Variants in ACE observed in about 807,000 individuals in gnomAD.
ACE encodes the protein angiotensin I converting enzyme.
A neutral mutation model predicts 162.3 loss-of-function variants in ACE; 122 were observed. That is an observed-to-expected ratio of 0.75 (90% CI 0.65 to 0.87). ACE has a LOEUF of 0.87. Among genes scored for constraint, ACE ranks in the 40% least tolerant of loss-of-function variants. The probability of loss-of-function intolerance (pLI) is 0.00; values close to 1 mark genes in which losing one functional copy is unlikely to be tolerated. For missense variants in ACE, 1,799 were observed against 1,735.1 expected (o/e 1.04, Z -0.65); for synonymous variants, 796 against 720.6 (o/e 1.10, Z -1.68).
Position 63,491,133 on chromosome 17 carries a change from T to C in ACE, c.2740-76T>C. On this transcript the variant is annotated intron_variant, in intron 18 of 24. Transcript: ENST00000290866. The surrounding 1 kb of genome is among the most constrained non-coding windows in gnomAD (Gnocchi z 4.4). ...TCAGGAGTTCCCTCCAGTTTAGCCC[T>C]CCCCCGGGATCCCCACGGCAGCACG... 1 of 1,608,808 alleles carries C rather than the reference T, an allele frequency of 6.2e-7. No individual in the cohort carries two copies. Among genetic ancestry groups the C allele is most frequent in the South Asian group, 1.1e-5 (1 of 90,922 alleles).
At position 63,483,568 on chromosome 17, in the gene ACE, C is replaced by CGGGGGGGGGGCGCG; in HGVS notation, c.1586+10_1586+11insGGGGGGGGGGCGCG. 1 of 1,585,844 alleles carries CGGGGGGGGGGCGCG rather than the reference C, an allele frequency of 6.3e-7. No homozygotes were observed. The highest frequency in any genetic ancestry group is 8.6e-7 in the Non-Finnish European group (1 of 1,159,950). On this transcript the variant is annotated intron_variant, in intron 10 of 24. Transcript: ENST00000290866. ...TGACACCATACATCAGGTATTAGCG[C>CGGGGGGGGGGCGCG]CCCCACCCCACCCACCCCCAGTACT...
Position 63,478,061 on chromosome 17 carries a change from TG to T in ACE, c.383del (p.Gly128AlafsTer17). The T allele has an allele frequency of 6.3e-7, 1 of 1,598,544 alleles. No individual in the cohort carries two copies. Among genetic ancestry groups the T allele is most frequent in the Non-Finnish European group, 8.5e-7 (1 of 1,172,826 alleles). On this transcript the variant is annotated frameshift_variant, in exon 2 of 25. Coordinates refer to ENST00000290866, the MANE Select transcript of ACE (RefSeq NM_000789.4). LOFTEE classifies it high-confidence loss of function. Reference protein sequence around the residue: ...LRRIIGAVRTLGSANLPLAKR... With the variant: ...LRRIIGAVRTXGSANLPLAKR... ...AGGATCATCGGAGCTGTGCGCACCC[TG>T]GGCTCTGCCAACCTGCCCCTGGCTA...
intron 23 of ACE, 107 bp from the exon 24 acceptor site, chr17:63,496,691 C>A: frequency 6.3e-7 from 1 of 1,581,728 alleles, no homozygotes; most frequent in Non-Finnish European, 8.6e-7. Flanking sequence ...AGCCCTGGGG[C>A]CCTGGGACAA....
At position 63,481,665 on chromosome 17, in the gene ACE, G is replaced by A; in HGVS notation, c.1045G>A (p.Glu349Lys). Residue 349 changes from glutamate to lysine, a missense_variant, in exon 7 of 25, where the codon GAG becomes AAG. Transcript: ENST00000290866. Reference protein sequence around the residue: ...PPEFWEGSMLEKPADGREVVC... With the variant: ...PPEFWEGSMLKKPADGREVVC... ...CGAGTTCTGGGAAGGGTCGATGCTGGAGAAGCCGGCCGACGGGCGGGAAGT... is the reference window on the plus strand; with the variant it reads ...CGAGTTCTGGGAAGGGTCGATGCTGAAGAAGCCGGCCGACGGGCGGGAAGT... 1 of 1,614,112 alleles carries A rather than the reference G, an allele frequency of 6.2e-7. No homozygotes were observed. Among genetic ancestry groups the A allele is most frequent in the Non-Finnish European group, 8.5e-7 (1 of 1,180,026 alleles).
At position 63,483,567 on chromosome 17, in the gene ACE, G is replaced by GCGGGGGGGGCGCCCCCCCCCCCCCCCC; in HGVS notation, c.1586+10_1586+11insGGGGGGGGCGCCCCCCCCCCCCCCCCC. The stretch of plus-strand genomic sequence containing the variant: ...GTGACACCATACATCAGGTATTAGC[G>GCGGGGGGGGCGCCCCCCCCCCCCCCCC]CCCCCACCCCACCCACCCCCAGTAC... On this transcript the variant is annotated intron_variant, in intron 10 of 24. Coordinates refer to ENST00000290866, the MANE Select transcript of ACE (RefSeq NM_000789.4). The GCGGGGGGGGCGCCCCCCCCCCCCCCCC allele has an allele frequency of 6.3e-7, 1 of 1,589,576 alleles. No homozygotes were observed. The highest frequency in any genetic ancestry group is 8.6e-7 in the Non-Finnish European group (1 of 1,165,684).
chr17:63,497,728 T>C lies in ACE; in HGVS notation c.*362T>C. 2.2e-6 allele frequency: 1 copy of C among 448,118 alleles called. No homozygotes were observed. The highest frequency in any genetic ancestry group is 4.2e-6 in the Non-Finnish European group (1 of 235,898). The allele number at this position is 448,118 out of a possible 1,614,324, so 27.8% of individuals were successfully genotyped here. A position where few individuals can be genotyped will look rare whatever the true frequency, so the allele number is the denominator to read the frequency against. The stretch of plus-strand genomic sequence containing the variant: ...ACTAGGTTTGTTCCTCCATCCTCCT[T>C]CAGGAGCCGGGGAGGATCCCCAGAG... On this transcript the variant is annotated 3_prime_UTR_variant, in exon 25 of 25. Coordinates refer to ENST00000290866, the MANE Select transcript of ACE (RefSeq NM_000789.4).
intron 20 of ACE, 24 bp from the exon 21 acceptor site, chr17:63,493,898 C>T: frequency 1.9e-6 from 3 of 1,614,190 alleles, no homozygotes; most frequent in Non-Finnish European, 2.5e-6. Flanking sequence ...CTGGGTCTGA[C>T]AGCTGGGCTC....
rs1040513482 is a variant in ACE, at chr17:63,494,393, C to T, written c.3303C>T (p.Cys1101=). ...WSLRLKYQGL[C]PPVPRTQGDF... is the part of the protein sequence containing the mutation. ...ACAGGCTGAAGTACCAGGGCCTCTGCCCCCCAGTGCCCAGGACTCAAGGTG... is the reference window on the plus strand; with the variant it reads ...ACAGGCTGAAGTACCAGGGCCTCTGTCCCCCAGTGCCCAGGACTCAAGGTG... Residue 1101 remains cysteine (C), a synonymous_variant, in exon 22 of 25, where the codon TGC becomes TGT. Transcript: ENST00000290866. The T allele has an allele frequency of 1.2e-6, 2 of 1,613,878 alleles. No individual in the cohort carries two copies. Among genetic ancestry groups the T allele is most frequent in the Non-Finnish European group, 1.7e-6 (2 of 1,179,812 alleles).
At position 63,493,536 on chromosome 17, in the gene ACE, G is replaced by C; in HGVS notation, c.3013G>C (p.Ala1005Pro). 1 of 1,614,138 alleles carries C rather than the reference G, an allele frequency of 6.2e-7. No individual in the cohort carries two copies. The highest frequency in any genetic ancestry group is 2.2e-5 in the East Asian group (1 of 44,858). Residue 1005 changes from alanine to proline, a missense_variant, in exon 20 of 25, where the codon GCC becomes CCC. Physicochemically the swap from Ala to Pro is conservative, Grantham distance 27. Transcript: ENST00000290866. Reference protein sequence around the residue: ...YFMQYKDLPVALREGANPGFH... With the variant: ...YFMQYKDLPVPLREGANPGFH... ...CATGCAGTACAAAGACTTACCTGTGGCCTTGAGGGAGGGTGCCAACCCCGG... is the reference window on the plus strand; with the variant it reads ...CATGCAGTACAAAGACTTACCTGTGCCCTTGAGGGAGGGTGCCAACCCCGG...
intron 4 of ACE, among the ~76,000 whole-genome samples, 168 bp from the exon 5 acceptor site, chr17:63,480,169 T>G (rs1262450051): frequency 6.6e-6 from 1 of 152,202 alleles, no homozygotes; most frequent in Non-Finnish European, 1.5e-5. Flanking sequence ...CAGGATCTGT[T>G]TAGCTGGCTG....
At position 63,483,831 on chromosome 17, in the gene ACE, C is replaced by T. The variant is rs2029861349; in HGVS notation, c.1587-18C>T. On this transcript the variant is annotated intron_variant, in intron 10 of 24. Transcript: ENST00000290866. ...TGGCCCCCCATGATCTTCCCTGACT[C>T]CCACCCTGTGCCTGCAGGTACTTTG... The T allele has an allele frequency of 6.2e-7, 1 of 1,613,844 alleles. No individual in the cohort carries two copies. The highest frequency in any genetic ancestry group is 8.5e-7 in the Non-Finnish European group (1 of 1,180,036).
rs779433192 is a variant in ACE, at chr17:63,486,991, C to A, written c.2223C>A (p.Asn741Lys). ...ALPAQELEEY[N>K]KILLDMETTY... ...GCCTCTCCTTCCTCCTGCAGTACAA[C>A]AAGATCCTGTTGGATATGGAAACCA... is the stretch of plus-strand genomic sequence containing the variant. Residue 741 changes from asparagine (N) to lysine (K), a missense_variant, in exon 15 of 25, where the codon AAC becomes AAA. Transcript: ENST00000290866. 1 of 1,613,644 alleles carries A rather than the reference C, an allele frequency of 6.2e-7. No homozygotes were observed. Among genetic ancestry groups the A allele is most frequent in the Admixed American group, 1.7e-5 (1 of 60,028 alleles).
In ACE at chr17:63,485,587, C is replaced by T. The variant is rs2029883338; in HGVS notation, c.2058+215C>T. On this transcript the variant is annotated intron_variant, in intron 13 of 24. Coordinates refer to ENST00000290866, the MANE Select transcript of ACE (RefSeq NM_000789.4). ...CGAGGTCAGATCAAGACCATCCTGG[C>T]TAACACGGTGAAACCCCATCTCTAG... 12 of 612,986 alleles carry T rather than the reference C, an allele frequency of 2.0e-5. No individual in the cohort carries two copies. In the Admixed American group the frequency reaches 2.3e-4, roughly 12 times the overall value. 38.0% of individuals were successfully genotyped at this position (612,986 alleles called of 1,614,324 possible).
At position 63,484,739 on chromosome 17, in the gene ACE, G is replaced by C. The variant is rs572855682; in HGVS notation, c.1921+198G>C. ...TCTTTCCCCCAGCATCCTAGAGAGGGTGTGCTCAGACCTGAGGGCCCCTCC... is the reference window on the plus strand; with the variant it reads ...TCTTTCCCCCAGCATCCTAGAGAGGCTGTGCTCAGACCTGAGGGCCCCTCC... On this transcript the variant is annotated intron_variant, in intron 12 of 24. Coordinates refer to ENST00000290866, the MANE Select transcript of ACE (RefSeq NM_000789.4). This position sits in a 1 kb window ranked among gnomAD's most constrained non-coding sequence, Gnocchi z 4.0. 3.4e-6 allele frequency: 5 copies of C among 1,461,892 alleles called. No individual in the cohort carries two copies. Among genetic ancestry groups the C allele is most frequent in the Admixed American group, 2.4e-5 (1 of 41,572 alleles). The allele number at this position is 1,461,892 out of a possible 1,614,324, so 90.6% of individuals were successfully genotyped here. A position where few individuals can be genotyped will look rare whatever the true frequency, so the allele number is the denominator to read the frequency against.
At chr17:63,486,499 G>T (rs926153498) in intron 13 of ACE, 58 bp from the exon 14 acceptor site, 8 of 1,602,056 alleles carry the variant, frequency 5.0e-6, no homozygotes, top group Non-Finnish European at 6.8e-6. Context: ...GGGGCCTCCC[G>T]CTCAGAGGCT....
chr17:63,478,150 GT>G (rs2049650578), intron 2 of ACE, 52 bp downstream of exon 2: 3 of 1,547,326 alleles, frequency 1.9e-6, no homozygotes, highest in Non-Finnish European at 2.6e-6. Context: ...GTGCCCCATC[GT>G]GGGGGTCGGG....
rs1285693127 is a variant in ACE, at chr17:63,497,547, A to G, written c.*181A>G. On this transcript the variant is annotated 3_prime_UTR_variant, in exon 25 of 25. Coordinates refer to ENST00000290866, the MANE Select transcript of ACE (RefSeq NM_000789.4). ...AGCCGCCCCAGCCCCTTCTCCCAGC[A>G]CACGGCTGCCTGACACTGAGCCCCA... 6 of 709,798 alleles carry G rather than the reference A, an allele frequency of 8.5e-6. No individual in the cohort carries two copies. The highest frequency in any genetic ancestry group is 2.0e-5 in the Admixed American group (1 of 49,936). The allele number at this position is 709,798 out of a possible 1,614,324, so 44.0% of individuals were successfully genotyped here. A position where few individuals can be genotyped will look rare whatever the true frequency, so the allele number is the denominator to read the frequency against.
chr17:63,487,094 T>C (rs766397995), intron 15 of ACE, 21 bp downstream of exon 15: 1 of 1,609,444 alleles, frequency 6.2e-7, no homozygotes, highest in Non-Finnish European at 8.5e-7. Context: ...ATGTGCAGGC[T>C]GAGTGAGAGG....
intron 13 of ACE, chr17:63,485,632 C>T (rs1212730700): frequency 2.9e-5 from 13 of 444,586 alleles, no homozygotes; most frequent in South Asian, 7.6e-5. Context: ...AAAAATTAGC[C>T]GGGTGTGGTG....
Sources: allele counts gnomAD v4.1 joint callset (sites outside exome capture counted in the v4.1 genomes callset), GRCh38; gene constraint gnomAD v4.1.1; non-coding constraint Gnocchi (gnomAD v3.1); transcripts MANE v1.5; gene names NCBI Gene and HGNC (gene_info 2026-07-23, HGNC 2026-07-21).